Variants in XKR6 observed in about 807,000 individuals in gnomAD.
XKR6 encodes the protein XK related 6, also known as XK-related protein 6.
In XKR6, 22 loss-of-function variants were observed where a neutral mutation model predicts 56.7. The ratio of observed to expected loss-of-function variants is 0.39; its 90% CI spans 0.28 to 0.55. XKR6 has a LOEUF of 0.55. XKR6 is among the 20% of genes least tolerant of loss of function. XKR6 has a pLI of 0.66. For missense variants in XKR6, 852 were observed against 889.0 expected, an observed-to-expected ratio of 0.96 and a Z score of 0.53; for synonymous variants, 524 against 387.8, an observed-to-expected ratio of 1.35 and a Z score of -4.13.
chr8:10,984,720 C>CTATATGTATATA (rs1212342415), intron 1 of XKR6, among the ~76,000 whole-genome samples: 7 of 83,236 alleles, frequency 8.4e-5, no homozygotes, highest in African/African-American at 3.7e-4. Flanking sequence ...CTCTCTCTCT[C>CTATATGTATATA]TCTCTCTCTC....
intron 1 of XKR6, among the ~76,000 whole-genome samples, chr8:11,088,943 C>T (rs947719599): frequency 5.9e-5 from 9 of 152,132 alleles, no homozygotes; most frequent in East Asian, 3.9e-4. Flanking sequence ...GTGCCTTGCA[C>T]ATAGAAGATG....
At chr8:11,035,157 A>G (rs756985073) in intron 1 of XKR6, 1 of 532,490 alleles carries the variant, frequency 1.9e-6, no homozygotes, top group Admixed American at 1.9e-5. Context: ...TATGACAAAC[A>G]GCCAGTCTCG....
intron 1 of XKR6, among the ~76,000 whole-genome samples, chr8:11,193,586 C>CA (rs1386574349): frequency 2.0e-5 from 3 of 151,956 alleles, no homozygotes; most frequent in Non-Finnish European, 4.4e-5. Flanking sequence ...TCTAAACAAA[C>CA]AAAAAAATTC....
intron 1 of XKR6, among the ~76,000 whole-genome samples, chr8:11,140,297 GA>G (rs1292965801): frequency 6.6e-6 from 1 of 152,150 alleles, no homozygotes; most frequent in Non-Finnish European, 1.5e-5. Flanking sequence ...TTTTCCGAAT[GA>G]AAAACGATCT....
chr8:10,998,563 G>C (rs1428288410), intron 1 of XKR6, among the ~76,000 whole-genome samples: 1 of 152,168 alleles, frequency 6.6e-6, no homozygotes. Context: ...GCAAAGCGTG[G>C]ACAAGAGCAG....
chr8:10,899,846 C>T (rs763634075), intron 2 of XKR6, among the ~76,000 whole-genome samples: 1 of 152,168 alleles, frequency 6.6e-6, no homozygotes, highest in Admixed American at 6.5e-5. Context: ...TGCCATAGAA[C>T]AATTTTATAT....
chr8:11,068,354 C>T (rs1432188788), intron 1 of XKR6, among the ~76,000 whole-genome samples: 1 of 152,248 alleles, frequency 6.6e-6, no homozygotes, highest in Non-Finnish European at 1.5e-5. Context: ...GCAGGCTGAA[C>T]ATCTCTCAGT....
At chr8:11,129,306 C>T (rs1799985965) in intron 1 of XKR6, among the ~76,000 whole-genome samples, 1 of 152,142 alleles carries the variant, frequency 6.6e-6, no homozygotes, top group Non-Finnish European at 1.5e-5. Context: ...ACCTAATACC[C>T]CTGATGTAAA....
chr8:11,045,393 C>G (rs1248602209), intron 1 of XKR6, among the ~76,000 whole-genome samples: 2 of 152,048 alleles, frequency 1.3e-5, no homozygotes, highest in African/African-American at 4.8e-5. Context: ...TGGCCTCAAG[C>G]CACTCTTAAA....
chr8:10,902,351 C>T (rs1397386687), intron 2 of XKR6, among the ~76,000 whole-genome samples: 1 of 152,204 alleles, frequency 6.6e-6, no homozygotes, highest in Non-Finnish European at 1.5e-5. Context: ...AGGGGAGCTT[C>T]CCAGACCATC....
At chr8:11,094,081 G>T (rs544966189) in intron 1 of XKR6, among the ~76,000 whole-genome samples, 1 of 120,392 alleles carries the variant, frequency 8.3e-6, no homozygotes, top group African/African-American at 4.8e-5. Flanking sequence ...ACCGCGCCCG[G>T]CCTTTTTTTT....
At chr8:10,932,425 CTTTTTTTTTTTTATTATACTTTAAATT>C in intron 1 of XKR6, among the ~76,000 whole-genome samples, 1 of 145,636 alleles carries the variant, frequency 6.9e-6, no homozygotes, top group Non-Finnish European at 1.5e-5. Context: ...TTTTCTTTTT[CTTTTTTTTTTTTATTATACTTTAAATT>C]TTAGGGTACA....
At chr8:10,959,027 G>A (rs1223562803) in intron 1 of XKR6, among the ~76,000 whole-genome samples, 1 of 152,212 alleles carries the variant, frequency 6.6e-6, no homozygotes, top group Non-Finnish European at 1.5e-5. Context: ...AACCCTGCAG[G>A]GCTTCTGTAA....
intron 1 of XKR6, among the ~76,000 whole-genome samples, chr8:10,968,300 G>C (rs140730448): frequency 6.6e-6 from 1 of 152,182 alleles, no homozygotes; most frequent in East Asian, 1.9e-4. Flanking sequence ...GATTGGACTC[G>C]GCTCACCCAT....
chr8:10,955,584 C>T (rs573998167), intron 1 of XKR6, among the ~76,000 whole-genome samples: 1 of 152,246 alleles, frequency 6.6e-6, no homozygotes, highest in East Asian at 1.9e-4. Context: ...TCTTCATAGT[C>T]CCATTTTACA....
At chr8:10,925,890 C>G (rs1434139167) in intron 1 of XKR6, among the ~76,000 whole-genome samples, 1 of 152,172 alleles carries the variant, frequency 6.6e-6, no homozygotes, top group African/African-American at 2.4e-5. Context: ...AGCCAACAGG[C>G]TCCAAGTCTG....
In XKR6 at chr8:11,093,844, C is replaced by A. The variant is rs184073591; in HGVS notation, c.764+106732G>T. ...TGTCGCACAGGCTGGAGTGCAGTGG[C>A]GTGATCTCGGCTCACTGCAAGTTCT... On this transcript the variant is annotated intron_variant, in intron 1 of 2. Transcript: ENST00000416569. Among the ~76,000 whole-genome samples, 81 of 144,238 alleles carry A rather than the reference C, an allele frequency of 5.6e-4. No individual in the cohort carries two copies. The East Asian group carries it at 0.016, about 29-fold the overall frequency. The allele number at this position is 144,238 out of a possible 152,430, so 94.6% of individuals were successfully genotyped here.
chr8:11,001,064 G>A (rs562472572), intron 1 of XKR6, among the ~76,000 whole-genome samples: 2 of 152,332 alleles, frequency 1.3e-5, no homozygotes, highest in South Asian at 4.1e-4. Flanking sequence ...GAGCGAAAAT[G>A]CAGAACAATT....
intron 1 of XKR6, among the ~76,000 whole-genome samples, chr8:10,963,266 C>T (rs1030025689): frequency 6.6e-6 from 1 of 152,270 alleles, no homozygotes; most frequent in African/African-American, 2.4e-5. Flanking sequence ...AGGGCCTTGG[C>T]ACTGGCAATC....
Sources: allele counts gnomAD v4.1 joint callset (sites outside exome capture counted in the v4.1 genomes callset), GRCh38; gene constraint gnomAD v4.1.1; transcripts MANE v1.5; gene names NCBI Gene and HGNC (gene_info 2026-07-23, HGNC 2026-07-21).